The following CENPE variants were observed in gnomAD, a reference collection of about 807,000 sequenced individuals.
CENPE encodes centromere-associated protein E.
CENPE carries 145 observed loss-of-function variants against 336.1 expected under a neutral mutation model. The observed-to-expected ratio is 0.43, with a 90% CI of 0.38 to 0.50. CENPE has a LOEUF of 0.50. CENPE is among the 20% of genes least tolerant of loss of function. The pLI, the probability that CENPE is intolerant of heterozygous loss-of-function variation, is 0.00. For synonymous variants in CENPE, 1,013 were observed against 984.8 expected (o/e 1.03, Z -0.54); for missense variants, 2,719 against 3,023.3 (o/e 0.90, Z 2.36).
Position 103,183,295 on chromosome 4 carries a change from TTATTAAACAAA to T in CENPE, c.746-18_746-8del, listed in dbSNP as rs1560671800. The T allele has an allele frequency of 9.3e-6, 15 of 1,605,120 alleles. No homozygotes were observed. The highest frequency in any genetic ancestry group is 1.7e-5 in the Admixed American group (1 of 58,634). On this transcript the variant is annotated splice_region_variant and splice_polypyrimidine_tract_variant and intron_variant, in intron 9 of 48. Coordinates refer to ENST00000265148, the MANE Select transcript of CENPE (RefSeq NM_001813.3). Reference sequence around the variant, plus strand: ...CCTTCCTTGAGCCGCACACCTGAATTTATTAAACAAATATGAAAACTAAACTTGACTCCTTT... The same window carrying T: ...CCTTCCTTGAGCCGCACACCTGAATTTATGAAAACTAAACTTGACTCCTTT...
In CENPE at chr4:103,136,327, A is replaced by C. The variant is rs751656386; in HGVS notation, c.6336T>G (p.Asp2112Glu). 1.2e-6 allele frequency: 2 copies of C among 1,612,030 alleles called. No homozygotes were observed. Among genetic ancestry groups the C allele is most frequent in the South Asian group, 2.2e-5 (2 of 90,978 alleles). The part of the protein sequence containing the change: ...ELLKRYSEMD[D>E]HYECLNRLSL... ...ACAATCTATTCAAGCACTCATAATGATCATCCATCTCTGAGTATCTCTTCA... is the reference window on the plus strand; with the variant it reads ...ACAATCTATTCAAGCACTCATAATGCTCATCCATCTCTGAGTATCTCTTCA... The change falls in exon 40 of 49, where the codon GAT becomes GAG. Residue 2112 changes from aspartate (D) to glutamate (E), a missense_variant. Coordinates refer to ENST00000265148, the MANE Select transcript of CENPE (RefSeq NM_001813.3).
In CENPE at chr4:103,176,885, A is replaced by G. The variant is rs1755916005; in HGVS notation, c.1390+14T>C. 6.4e-7 allele frequency: 1 copy of G among 1,556,056 alleles called. No homozygotes were observed. The highest frequency in any genetic ancestry group is 1.4e-5 in the African/African-American group (1 of 72,484). ...TTATAATTAAACATAGTTCCACTTG[A>G]AAAAAGCACTCACATTCATCAATTT... On this transcript the variant is annotated intron_variant, in intron 14 of 48. Coordinates refer to ENST00000265148, the MANE Select transcript of CENPE (RefSeq NM_001813.3).
intron 46 of CENPE, among the ~76,000 whole-genome samples, chr4:103,113,898 C>T (rs1035660701): frequency 6.6e-6 from 1 of 151,680 alleles, no homozygotes; most frequent in Admixed American, 6.6e-5. Context: ...TCAAATGGAA[C>T]ATGACAGACA....
At chr4:103,121,996 G>T (rs1319567068) in intron 43 of CENPE, among the ~76,000 whole-genome samples, 1 of 152,032 alleles carries the variant, frequency 6.6e-6, no homozygotes, top group South Asian at 2.1e-4. Flanking sequence ...CATCAAACTT[G>T]TCTAATGATA....
At chr4:103,176,717 G>A (rs1005268334) in intron 14 of CENPE, among the ~76,000 whole-genome samples, 182 bp downstream of exon 14, 2 of 152,022 alleles carry the variant, frequency 1.3e-5, no homozygotes, top group African/African-American at 4.8e-5. Flanking sequence ...CTGCAACCAC[G>A]CACAGCTAGT....
In CENPE at chr4:103,163,310, G is replaced by A; in HGVS notation, c.1723-54C>T. 4 of 1,496,740 alleles carry A rather than the reference G, an allele frequency of 2.7e-6. No homozygotes were observed. The East Asian group carries it at 9.1e-5, about 34-fold the overall frequency. 92.7% of individuals were successfully genotyped at this position (1,496,740 alleles called of 1,614,324 possible). On this transcript the variant is annotated intron_variant, in intron 17 of 48. Coordinates refer to ENST00000265148, the MANE Select transcript of CENPE (RefSeq NM_001813.3). ...TTTAGAATCTGATTTGAAGTCTAAG[G>A]GATTAAAACAGAACTTATATATATT...
intron 40 of CENPE, 93 bp from the exon 41 acceptor site, chr4:103,133,985 C>G: frequency 1.3e-6 from 1 of 769,604 alleles, no homozygotes; most frequent in Non-Finnish European, 2.2e-6. Flanking sequence ...AGGATGACAT[C>G]TCTTATTTAC....
chr4:103,188,592 A>G (rs1327791637), intron 8 of CENPE, among the ~76,000 whole-genome samples: 4 of 152,210 alleles, frequency 2.6e-5, no homozygotes, highest in Admixed American at 2.0e-4. Context: ...CTTTGAAACC[A>G]ATGAGAACAA....
intron 16 of CENPE, among the ~76,000 whole-genome samples, chr4:103,168,843 A>G (rs1374522017): frequency 6.6e-6 from 1 of 152,208 alleles, no homozygotes; most frequent in Non-Finnish European, 1.5e-5. Context: ...GATCTTGAAA[A>G]GACCTTATAA....
rs770815316 is a variant in CENPE, at chr4:103,133,904, AAATT to A, written c.6523-16_6523-13del. The A allele has an allele frequency of 6.6e-7, 1 of 1,514,402 alleles. No homozygotes were observed. The highest frequency in any genetic ancestry group is 2.3e-5 in the East Asian group (1 of 43,538). 93.8% of individuals were successfully genotyped at this position (1,514,402 alleles called of 1,614,324 possible). ...TAGCTTAACACATACTTGCAGAAAA[AAATT>A]AAACAAATTGGTAAATGAAAATTTT... On this transcript the variant is annotated splice_polypyrimidine_tract_variant and intron_variant, in intron 40 of 48. Coordinates refer to ENST00000265148, the MANE Select transcript of CENPE (RefSeq NM_001813.3).
chr4:103,143,223 CTGAGA>C lies in CENPE; in HGVS notation c.5304+20_5304+24del, dbSNP rs1752718862. On this transcript the variant is annotated intron_variant, in intron 34 of 48. Transcript: ENST00000265148. ...AAAGTTTGATTCAAACTCTCAGTAA[CTGAGA>C]TAACTTAAAAATAAAATACCTGTGC... 9.8e-6 allele frequency: 15 copies of C among 1,530,822 alleles called. No individual in the cohort carries two copies. Among genetic ancestry groups the C allele is most frequent in the South Asian group, 2.4e-5 (2 of 81,786 alleles). The allele number at this position is 1,530,822 out of a possible 1,614,324, so 94.8% of individuals were successfully genotyped here.
intron 24 of CENPE, among the ~76,000 whole-genome samples, chr4:103,157,500 GA>G (rs1754060065): frequency 6.6e-6 from 1 of 152,034 alleles, no homozygotes; most frequent in South Asian, 2.1e-4. Flanking sequence ...AATACTGCAT[GA>G]TTCCACTTAT....
intron 44 of CENPE, among the ~76,000 whole-genome samples, chr4:103,116,947 C>T (rs1750179981): frequency 1.3e-5 from 2 of 151,654 alleles, no homozygotes; most frequent in South Asian, 4.2e-4. Flanking sequence ...ATTTTTATTT[C>T]TTAAAATAAA....
chr4:103,116,470 A>T (rs1750121410), intron 45 of CENPE, 107 bp downstream of exon 45: 1 of 546,544 alleles, frequency 1.8e-6, no homozygotes. Flanking sequence ...AGCTGTAACA[A>T]TATTTTCATA....
rs1301210257 is a variant in CENPE at position 103,109,208 on chromosome 4, C to T, written c.7725-119G>A. The T allele has an allele frequency of 1.4e-5, 11 of 777,998 alleles. No homozygotes were observed. The South Asian group carries it at 2.1e-4, about 15-fold the overall frequency. 48.2% of individuals were successfully genotyped at this position (777,998 alleles called of 1,614,324 possible). ...TGAAATATATATAACATAAAATGTA[C>T]ATTTTATCACATTTACATTTTAATT... On this transcript the variant is annotated intron_variant, in intron 47 of 48. Transcript: ENST00000265148.
intron 39 of CENPE, 85 bp downstream of exon 39, chr4:103,138,266 A>C: frequency 1.2e-6 from 1 of 847,502 alleles, no homozygotes; most frequent in Non-Finnish European, 2.0e-6. Flanking sequence ...TTTATTCCAG[A>C]GGTTCCTTCA....
In CENPE at chr4:103,132,760, T is replaced by A; in HGVS notation, c.6857A>T (p.Lys2286Ile). The change falls in exon 42 of 49, where the codon AAA (lysine) becomes ATA (isoleucine). Residue 2286 changes from lysine (K) to isoleucine (I), a missense_variant. Lys to Ile is a moderately radical substitution (Grantham distance 102). Around this residue, in one of 5 missense-constraint regions of CENPE, gnomAD observed 2,437 missense variants for 2,513.3 expected, o/e 0.97. Transcript: ENST00000265148. ...LNTRFDIEKL[K>I]NGIQKENDRI... ...ATCATTTTCTTTCTGGATGCCATTT[T>A]TAAGCTTTTCTATATCAAAACGAGT... The A allele has an allele frequency of 6.3e-7, 1 of 1,579,754 alleles. No individual in the cohort carries two copies. The highest frequency in any genetic ancestry group is 8.7e-7 in the Non-Finnish European group (1 of 1,154,962).
intron 44 of CENPE, among the ~76,000 whole-genome samples, chr4:103,117,548 A>C (rs1163005430): frequency 1.3e-5 from 2 of 151,184 alleles, no homozygotes; most frequent in African/African-American, 4.9e-5. Context: ...ACTTGAAATC[A>C]TACAGTATGT....
At chr4:103,123,640 A>T (rs1284100760) in intron 42 of CENPE, among the ~76,000 whole-genome samples, 1 of 152,200 alleles carries the variant, frequency 6.6e-6, no homozygotes, top group Admixed American at 6.5e-5. Context: ...TTGCTGTAGC[A>T]CTTCAGCCTA....
Sources: allele counts gnomAD v4.1 joint callset (sites outside exome capture counted in the v4.1 genomes callset), GRCh38; gene constraint gnomAD v4.1.1; regional missense constraint gnomAD v4.1.1; transcripts MANE v1.5; gene names NCBI Gene and HGNC (gene_info 2026-07-23, HGNC 2026-07-21).